Variants in PHIP observed in about 807,000 individuals in gnomAD.
PHIP encodes PH-interacting protein.
Under a neutral mutation model 236.8 loss-of-function variants are expected in PHIP, and 54 were observed. That is an observed-to-expected ratio of 0.23 (90% CI 0.18 to 0.29). The LOEUF (loss-of-function observed/expected upper bound fraction) is 0.29, where lower values mean the gene tolerates loss of function less well. Ranked by LOEUF, PHIP falls within the 10% of genes least tolerant of loss-of-function variation. PHIP has a pLI of 1.00. For missense variants in PHIP, 1,370 were observed against 2,190.8 expected (o/e 0.63, Z 7.48); for synonymous variants, 756 against 718.9 (o/e 1.05, Z -0.83).
At chr6:79,021,378 C>A (rs1374844969) in intron 9 of PHIP, among the ~76,000 whole-genome samples, 3 of 152,208 alleles carry the variant, frequency 2.0e-5, no homozygotes, top group African/African-American at 4.8e-5. Flanking sequence ...AAACTCCTGA[C>A]CTCAGGTCAT....
At chr6:79,033,971 C>A (rs1180534389) in intron 7 of PHIP, among the ~76,000 whole-genome samples, 4 of 152,106 alleles carry the variant, frequency 2.6e-5, no homozygotes, top group Non-Finnish European at 5.9e-5. Flanking sequence ...GTTGGTGGAG[C>A]AATCAGAACA....
At chr6:79,075,581 TC>T (rs1033856420) in intron 4 of PHIP, among the ~76,000 whole-genome samples, 48 of 32,784 alleles carry the variant, frequency 1.5e-3, no homozygotes, top group Non-Finnish European at 1.7e-3. Context: ...CCCCCCACCC[TC>T]CCCCCAAAAA....
chr6:78,964,494 A>G (rs1767000886), intron 29 of PHIP, among the ~76,000 whole-genome samples: 2 of 151,998 alleles, frequency 1.3e-5, no homozygotes, highest in African/African-American at 4.8e-5. Context: ...GAGATGTAAT[A>G]TATTATTATT....
intron 7 of PHIP, among the ~76,000 whole-genome samples, chr6:79,029,131 A>C (rs918871566): frequency 6.6e-6 from 1 of 152,158 alleles, no homozygotes; most frequent in Non-Finnish European, 1.5e-5. Flanking sequence ...ATATTATCTC[A>C]ATTAACCTTT....
intron 7 of PHIP, among the ~76,000 whole-genome samples, chr6:79,036,515 AG>A (rs1447852611): frequency 6.6e-6 from 1 of 152,216 alleles, no homozygotes; most frequent in African/African-American, 2.4e-5. Context: ...AAAAGTTTCA[AG>A]AACAGTACAA....
intron 38 of PHIP, 51 bp downstream of exon 38, chr6:78,945,950 T>C: frequency 7.2e-7 from 1 of 1,383,072 alleles, no homozygotes; most frequent in South Asian, 1.2e-5. Context: ...AAGTAAAAGC[T>C]TAAATTAAGA....
chr6:79,027,654 ATATAAACACT>A (rs895262848), intron 7 of PHIP, among the ~76,000 whole-genome samples: 3 of 152,226 alleles, frequency 2.0e-5, no homozygotes, highest in African/African-American at 7.2e-5. Context: ...TATATAGGAC[ATATAAACACT>A]TATATGTCCT....
intron 35 of PHIP, 79 bp downstream of exon 35, chr6:78,954,734 AG>A: frequency 1.2e-6 from 1 of 837,298 alleles, no homozygotes; most frequent in Non-Finnish European, 1.8e-6. Flanking sequence ...AATCATAAAA[AG>A]TAACTAAAAT....
intron 6 of PHIP, among the ~76,000 whole-genome samples, chr6:79,048,174 CAG>C (rs1462812633): frequency 2.6e-5 from 4 of 152,030 alleles, no homozygotes; most frequent in African/African-American, 7.2e-5. Context: ...TGAAAATAAA[CAG>C]AAAGTTACAA....
rs543324044 is a variant in PHIP at position 78,974,985 on chromosome 6, T to C, written c.2889+3607A>G. ...ACCATTCCTTCTGAAACTATTCCAATCAATAGAAAAAGAGGGAATCCCCCC... is the reference window on the plus strand; with the variant it reads ...ACCATTCCTTCTGAAACTATTCCAACCAATAGAAAAAGAGGGAATCCCCCC... On this transcript the variant is annotated intron_variant, in intron 24 of 39. Coordinates refer to ENST00000275034, the MANE Select transcript of PHIP (RefSeq NM_017934.7). Among the ~76,000 whole-genome samples, 653 of 151,430 alleles carry C rather than the reference T, an allele frequency of 4.3e-3. 2 individuals are homozygous for C. Among genetic ancestry groups the C allele is most frequent in the African/African-American group, 0.014 (592 of 41,210 alleles).
At chr6:79,041,964 T>C (rs1432761296) in intron 7 of PHIP, among the ~76,000 whole-genome samples, 1 of 152,052 alleles carries the variant, frequency 6.6e-6, no homozygotes, top group African/African-American at 2.4e-5. Context: ...AAGAGGAATC[T>C]ATAATTGTCA....
At chr6:78,997,848 T>C (rs1769725263) in intron 18 of PHIP, among the ~76,000 whole-genome samples, 1 of 151,912 alleles carries the variant, frequency 6.6e-6, no homozygotes, top group African/African-American at 2.4e-5. Context: ...ACAAAATCAT[T>C]ACTTTAAAAA....
chr6:79,031,757 A>G (rs1435346111), intron 7 of PHIP, among the ~76,000 whole-genome samples: 5 of 152,246 alleles, frequency 3.3e-5, no homozygotes, highest in Non-Finnish European at 7.3e-5. Context: ...TAGTACTTTT[A>G]CAGTATGGAG....
intron 19 of PHIP, among the ~76,000 whole-genome samples, chr6:78,993,465 G>C (rs774875754): frequency 6.6e-6 from 1 of 152,150 alleles, no homozygotes; most frequent in African/African-American, 2.4e-5. Flanking sequence ...AGCTTCAAAG[G>C]GCAGTCTAAA....
intron 9 of PHIP, among the ~76,000 whole-genome samples, chr6:79,024,386 C>T (rs1408583552): frequency 6.6e-6 from 1 of 152,198 alleles, no homozygotes; most frequent in Non-Finnish European, 1.5e-5. Context: ...CCCCGAGTGG[C>T]AGAAATGGCC....
intron 21 of PHIP, among the ~76,000 whole-genome samples, chr6:78,985,681 A>G (rs547308886): frequency 1.3e-5 from 2 of 152,266 alleles, no homozygotes; most frequent in South Asian, 2.1e-4. Flanking sequence ...TCTCTACTAA[A>G]ACACACAAAA....
At chr6:79,038,680 G>T (rs1393337136) in intron 7 of PHIP, among the ~76,000 whole-genome samples, 3 of 151,922 alleles carry the variant, frequency 2.0e-5, no homozygotes, top group African/African-American at 7.2e-5. Context: ...TTTAAAAGCT[G>T]AAGTTTCAGC....
chr6:78,965,878 T>C (rs1767094066), intron 28 of PHIP, 67 bp downstream of exon 28: 1 of 1,270,358 alleles, frequency 7.9e-7, no homozygotes, highest in Non-Finnish European at 1.1e-6. Flanking sequence ...TCTTTATCTC[T>C]TAATAGATGG....
At chr6:78,968,074 G>GCA in intron 27 of PHIP, among the ~76,000 whole-genome samples, 1 of 152,274 alleles carries the variant, frequency 6.6e-6, no homozygotes, top group Middle Eastern at 3.4e-3. Context: ...GGTGGAACTT[G>GCA]CAGTGAGCCA....
Sources: allele counts gnomAD v4.1 joint callset (sites outside exome capture counted in the v4.1 genomes callset), GRCh38; gene constraint gnomAD v4.1.1; transcripts MANE v1.5; gene names NCBI Gene and HGNC (gene_info 2026-07-23, HGNC 2026-07-21).